AIG1: variants seen among roughly 807,000 people sequenced by gnomAD.
AIG1 encodes androgen induced 1.
AIG1 carries 23 observed loss-of-function variants against 31.4 expected under a neutral mutation model. The ratio of observed to expected loss-of-function variants is 0.73; its 90% confidence interval spans 0.53 to 1.04. The LOEUF is 1.04. Ranked by LOEUF, AIG1 falls within the 50% of genes least tolerant of loss-of-function variation. AIG1 has a pLI of 0.00. For synonymous variants in AIG1, 100 were observed against 110.5 expected, an observed-to-expected ratio of 0.90 and a Z score of 0.60; for missense variants, 274 against 295.0, an observed-to-expected ratio of 0.93 and a Z score of 0.52.
chr6:143,183,370 A>G (rs1313902572), intron 3 of AIG1, among the ~76,000 whole-genome samples: 3 of 151,966 alleles, frequency 2.0e-5, no homozygotes, highest in Non-Finnish European at 4.4e-5. Context: ...TAATTTTTGT[A>G]TTTTTAGTAG....
At chr6:143,285,613 G>A (rs1797633819) in intron 4 of AIG1, among the ~76,000 whole-genome samples, 1 of 151,720 alleles carries the variant, frequency 6.6e-6, no homozygotes, top group Non-Finnish European at 1.5e-5. Context: ...GCAGCGAGCC[G>A]AGATCACGCA....
chr6:143,213,775 C>T (rs189224479), intron 3 of AIG1, among the ~76,000 whole-genome samples: 1 of 152,072 alleles, frequency 6.6e-6, no homozygotes, highest in African/African-American at 2.4e-5. Flanking sequence ...CCTCAGGCTC[C>T]CAAAGTGCTG....
At chr6:143,060,232 TGA>T (rs746555477), upstream of AIG1, among the ~76,000 whole-genome samples, 1 of 152,212 alleles carries the variant, frequency 6.6e-6, no homozygotes, top group Non-Finnish European at 1.5e-5. Context: ...AAAGCAGAAT[TGA>T]GAGAGTTTCC....
intron 4 of AIG1, among the ~76,000 whole-genome samples, chr6:143,289,613 C>T (rs1176398595): frequency 6.6e-6 from 1 of 152,134 alleles, no homozygotes; most frequent in African/African-American, 2.4e-5. Context: ...AAAATTCTAT[C>T]TCCCACAAAA....
At position 143,327,239 on chromosome 6, in the gene AIG1, C is replaced by T. The variant is rs894182582; in HGVS notation, c.516-6043C>T. On this transcript the variant is annotated intron_variant, in intron 4 of 5. Transcript: ENST00000357847. This position sits in a 1 kb window ranked among gnomAD's most constrained non-coding sequence, Gnocchi z 5.3. ...AAGACAAGCTAATGGATTGGACAAT[C>T]GCTACACTCTTCCTTTCCAACTTGG... 1 of 200,594 alleles carries T rather than the reference C, an allele frequency of 5.0e-6. No homozygotes were observed. The highest frequency in any genetic ancestry group is 1.0e-5 in the Non-Finnish European group (1 of 99,792). 12.4% of individuals were successfully genotyped at this position (200,594 alleles called of 1,614,324 possible).
At position 143,212,718 on chromosome 6, in the gene AIG1, G is replaced by A. The variant is rs149143958; in HGVS notation, c.399+47535G>A. On this transcript the variant is annotated intron_variant, in intron 3 of 5. Coordinates refer to ENST00000357847, the MANE Select transcript of AIG1 (RefSeq NM_016108.4). ...AAACGTATGAGTGTAGAAGAGCTTCGAGTGTGTGTGTCTGTGGGCAGTGAG... is the reference window on the plus strand; with the variant it reads ...AAACGTATGAGTGTAGAAGAGCTTCAAGTGTGTGTGTCTGTGGGCAGTGAG... Among the ~76,000 whole-genome samples, 228 of 152,240 alleles carry A rather than the reference G, an allele frequency of 1.5e-3. 1 individual carries two copies. Among genetic ancestry groups the A allele is most frequent in the African/African-American group, 5.3e-3 (220 of 41,546 alleles).
intron 1 of AIG1, among the ~76,000 whole-genome samples, chr6:143,095,057 A>C (rs888798140): frequency 1.3e-5 from 2 of 152,194 alleles, no homozygotes. Context: ...AAGGAAATGC[A>C]ATAGCAAAAT....
In AIG1 at chr6:143,320,330, A is replaced by G. The variant is rs561449382; in HGVS notation, c.516-12952A>G. On this transcript the variant is annotated intron_variant, in intron 4 of 5. Transcript: ENST00000357847. ...GGAAGATCCTCAAAAGTAGAAACAG[A>G]ACTACCATATGATCCAGGATTCTAG... Among the ~76,000 whole-genome samples, 3 of 152,308 alleles carry G rather than the reference A, an allele frequency of 2.0e-5. No homozygotes were observed. In the South Asian group the frequency reaches 6.2e-4, roughly 32 times the overall value.
At chr6:143,278,099 T>C (rs959467069) in intron 3 of AIG1, among the ~76,000 whole-genome samples, 3 of 152,216 alleles carry the variant, frequency 2.0e-5, no homozygotes, top group African/African-American at 7.2e-5. Flanking sequence ...CAGGAGCCAG[T>C]CCAGACCCTT....
intron 1 of AIG1, among the ~76,000 whole-genome samples, chr6:143,116,598 G>A (rs912976633): frequency 1.3e-5 from 2 of 151,056 alleles, no homozygotes; most frequent in African/African-American, 4.9e-5. Flanking sequence ...ACAGAGAGTG[G>A]CAGGAGAGGC....
In AIG1 at chr6:143,204,916, C is replaced by T. The variant is rs73781115; in HGVS notation, c.399+39733C>T. On this transcript the variant is annotated intron_variant, in intron 3 of 5. Coordinates refer to ENST00000357847, the MANE Select transcript of AIG1 (RefSeq NM_016108.4). ...AGCCTATCTAGTAGAAGAGGAGTTT[C>T]GCAAAATAAAAATTATGCTACCCAC... Among the ~76,000 whole-genome samples, 567 of 152,150 alleles carry T rather than the reference C, an allele frequency of 3.7e-3. 1 individual carries two copies. Among genetic ancestry groups the T allele is most frequent in the African/African-American group, 0.013 (540 of 41,502 alleles).
At chr6:143,059,369 A>G (rs966419967), upstream of AIG1, among the ~76,000 whole-genome samples, 5 of 152,192 alleles carry the variant, frequency 3.3e-5, no homozygotes, top group African/African-American at 1.2e-4. Context: ...CACTGAGACC[A>G]CTAATCTACC....
chr6:143,100,986 A>G (rs551266281), intron 1 of AIG1, among the ~76,000 whole-genome samples: 7 of 152,184 alleles, frequency 4.6e-5, no homozygotes, highest in African/African-American at 1.7e-4. Context: ...TGCCCAGCCT[A>G]TTCTCTTATA....
chr6:143,185,717 T>A (rs569787969), intron 3 of AIG1, among the ~76,000 whole-genome samples: 51 of 152,308 alleles, frequency 3.3e-4, no homozygotes, highest in African/African-American at 1.2e-3. Context: ...CCTCTGCATA[T>A]TCCATTATCT....
At chr6:143,099,361 C>T (rs1223504546) in intron 1 of AIG1, 3 of 152,150 alleles carry the variant, frequency 2.0e-5, no homozygotes, top group African/African-American at 7.2e-5. Context: ...TTCCCTAGAG[C>T]ACACCATATT....
chr6:143,234,949 T>C (rs1022800281), intron 3 of AIG1, among the ~76,000 whole-genome samples: 2 of 152,200 alleles, frequency 1.3e-5, no homozygotes, highest in African/African-American at 4.8e-5. Context: ...AAAGGGATTA[T>C]TCCCTCTGAG....
At chr6:143,343,205 A>G, downstream of AIG1, 1 of 700,758 alleles carries the variant, frequency 1.4e-6, no homozygotes, top group Non-Finnish European at 2.7e-6. Flanking sequence ...CGGATATGGC[A>G]GGAATGATCC....
intron 1 of AIG1, among the ~76,000 whole-genome samples, chr6:143,072,552 C>A (rs1184857028): frequency 6.6e-6 from 1 of 151,810 alleles, no homozygotes; most frequent in African/African-American, 2.4e-5. Flanking sequence ...TAGTCTTTTG[C>A]AATTAAGTAT....
chr6:143,173,041 T>G (rs1253768229), intron 3 of AIG1, among the ~76,000 whole-genome samples: 2 of 150,922 alleles, frequency 1.3e-5, no homozygotes, highest in Non-Finnish European at 1.5e-5. Context: ...TCTTTTGTAT[T>G]TTTTTTTTAC....
Sources: allele counts gnomAD v4.1 joint callset (sites outside exome capture counted in the v4.1 genomes callset), GRCh38; gene constraint gnomAD v4.1.1; non-coding constraint Gnocchi (gnomAD v3.1); transcripts MANE v1.5; gene names NCBI Gene and HGNC (gene_info 2026-07-23, HGNC 2026-07-21).